HELZ: variants seen among roughly 807,000 people sequenced by gnomAD.
The protein encoded by HELZ is ATP-dependent RNA helicase with zinc finger domain.
In HELZ, 23 loss-of-function variants were observed where a neutral mutation model predicts 218.2. The observed-to-expected ratio is 0.11, with a 90% CI of 0.08 to 0.15. HELZ has a LOEUF of 0.15. Ranked by LOEUF, HELZ falls within the 10% of genes least tolerant of loss-of-function variation. HELZ has a pLI of 1.00. For missense variants in HELZ, 1,813 were observed against 2,353.7 expected (o/e 0.77, Z 4.75); for synonymous variants, 814 against 829.4 (o/e 0.98, Z 0.32).
chr17:67,244,808 C>A (rs1027632657), intron 1 of HELZ: 16 of 985,266 alleles, frequency 1.6e-5, no homozygotes, highest in African/African-American at 5.2e-5. Flanking sequence ...GGCTCGAGTC[C>A]CCCTCCCAGA....
At chr17:67,241,271 T>C (rs1435406623) in intron 2 of HELZ, among the ~76,000 whole-genome samples, 1 of 152,254 alleles carries the variant, frequency 6.6e-6, no homozygotes, top group Non-Finnish European at 1.5e-5. Flanking sequence ...TCCCCATCTC[T>C]TGGATAACTG....
intron 21 of HELZ, among the ~76,000 whole-genome samples, chr17:67,139,768 G>A (rs2038265377): frequency 6.6e-6 from 1 of 152,196 alleles, no homozygotes; most frequent in Non-Finnish European, 1.5e-5. Context: ...TTACAGAACT[G>A]TTTTAACGGC....
chr17:67,176,660 A>C (rs1468152136), intron 13 of HELZ: 1 of 152,190 alleles, frequency 6.6e-6, no homozygotes, highest in Non-Finnish European at 1.5e-5. Flanking sequence ...AACATGGCAA[A>C]ATCCCATCTC....
At chr17:67,175,310 GAA>G (rs1217513944) in intron 13 of HELZ, among the ~76,000 whole-genome samples, 1 of 152,048 alleles carries the variant, frequency 6.6e-6, no homozygotes, top group Non-Finnish European at 1.5e-5. Context: ...ACCCTTTACA[GAA>G]AAAGTTACTG....
At position 67,101,829 on chromosome 17, in the gene HELZ, C is replaced by T. The variant is rs1043100985; in HGVS notation, c.5241+5340G>A. Among the ~76,000 whole-genome samples the T allele has an allele frequency of 9.2e-5, 14 of 152,264 alleles. 1 individual carries two copies. The highest frequency in any genetic ancestry group is 6.2e-4 in the South Asian group (3 of 4,826). ...AAAGACAGGAAGACAACTGGCTAAA[C>T]GTCTAGAGAAAATGTAAACACTAAT... On this transcript the variant is annotated intron_variant, in intron 31 of 32. Transcript: ENST00000358691.
chr17:67,148,982 T>C (rs747481866), intron 19 of HELZ, among the ~76,000 whole-genome samples: 1 of 152,184 alleles, frequency 6.6e-6, no homozygotes, highest in Non-Finnish European at 1.5e-5. Flanking sequence ...AGCATAATAA[T>C]GAATAGCTAC....
chr17:67,199,100 A>C (rs8065167), intron 7 of HELZ, among the ~76,000 whole-genome samples: 31,493 of 152,114 alleles, frequency 0.21, 3,512 homozygotes, highest in African/African-American at 0.3. Flanking sequence ...TTATGCTGTC[A>C]TTTTAAAAGT....
rs139756125 is a variant in HELZ at position 67,181,741 on chromosome 17, A to G, written c.1163-2815T>C. Among the ~76,000 whole-genome samples the G allele has an allele frequency of 5.5e-3, 836 of 152,242 alleles. 6 individuals carry two copies. Among genetic ancestry groups the G allele is most frequent in the African/African-American group, 0.019 (793 of 41,538 alleles). Reference sequence around the variant, plus strand: ...AAAATCCACATATTCCAGCAACAAAAAGCCTACAAACTACTGATCTAAGTC... The same window carrying G: ...AAAATCCACATATTCCAGCAACAAAGAGCCTACAAACTACTGATCTAAGTC... On this transcript the variant is annotated intron_variant, in intron 12 of 32. Coordinates refer to ENST00000358691, the MANE Select transcript of HELZ (RefSeq NM_014877.4).
At position 67,167,452 on chromosome 17, in the gene HELZ, T is replaced by G. The variant is rs1598356140; in HGVS notation, c.1764+11A>C. The stretch of plus-strand genomic sequence containing the variant: ...AGACCACTATGGTTAAGCTGCAACC[T>G]TCAAACATACCTGTGTGTCACAGTC... On this transcript the variant is annotated intron_variant, in intron 14 of 32. Coordinates refer to ENST00000358691, the MANE Select transcript of HELZ (RefSeq NM_014877.4). 7.5e-6 allele frequency: 12 copies of G among 1,594,134 alleles called. No individual in the cohort carries two copies. The highest frequency in any genetic ancestry group is 1.0e-5 in the Non-Finnish European group (12 of 1,163,366).
Position 67,203,342 on chromosome 17 carries a change from T to C in HELZ, c.349A>G (p.Lys117Glu), listed in dbSNP as rs1161802134. Residue 117 changes from lysine to glutamate, a missense_variant, in exon 6 of 33, where the codon AAG becomes GAG. Lys to Glu is a moderately conservative substitution (Grantham distance 56). This residue lies in a region of HELZ where 714 missense variants were observed against 1,029.2 expected (regional missense o/e 0.69). Transcript: ENST00000358691. ...ACCAGGGACTCTCCTGTGAGTGACTTGGCAAGAATGGTGGATACAGGTTGG... is the reference window on the plus strand; with the variant it reads ...ACCAGGGACTCTCCTGTGAGTGACTCGGCAAGAATGGTGGATACAGGTTGG... ...KLQPVSTILA[K>E]SLTGESLNGM... 1 of 1,614,102 alleles carries C rather than the reference T, an allele frequency of 6.2e-7. No individual in the cohort carries two copies. The highest frequency in any genetic ancestry group is 8.5e-7 in the Non-Finnish European group (1 of 1,179,972).
At chr17:67,198,192 T>C (rs1172687145) in intron 7 of HELZ, among the ~76,000 whole-genome samples, 1 of 152,146 alleles carries the variant, frequency 6.6e-6, no homozygotes, top group Non-Finnish European at 1.5e-5. Context: ...GGAATAAAAA[T>C]GTTTGATAAA....
In HELZ at chr17:67,071,049, T is replaced by C. The variant is rs1453233216; in HGVS notation, c.*7203A>G. On this transcript the variant is annotated 3_prime_UTR_variant, in exon 33 of 33. Transcript: ENST00000358691. ...TAAAATGCAAAACTCATTATCTTTATAATTTAGAAGAGAAGTATTTTAATC... is the reference window on the plus strand; with the variant it reads ...TAAAATGCAAAACTCATTATCTTTACAATTTAGAAGAGAAGTATTTTAATC... The C allele has an allele frequency of 6.6e-6, 1 of 152,206 alleles. No individual in the cohort carries two copies. The highest frequency in any genetic ancestry group is 1.5e-5 in the Non-Finnish European group (1 of 68,036). 9.4% of individuals were successfully genotyped at this position (152,206 alleles called of 1,614,324 possible). A position where few individuals can be genotyped will look rare whatever the true frequency, so the allele number is the denominator to read the frequency against.
rs115812360 is a variant in HELZ at position 67,142,213 on chromosome 17, T to C, written c.2769+3530A>G. 4.6e-3 allele frequency among the ~76,000 whole-genome samples: 699 copies of C among 151,898 alleles called. 5 individuals are homozygous for C. Among genetic ancestry groups the C allele is most frequent in the African/African-American group, 0.016 (660 of 41,396 alleles). On this transcript the variant is annotated intron_variant, in intron 21 of 32. Transcript: ENST00000358691. ...CCATATCAGTAACATTAAATGTGAA[T>C]GGATTAAAAACCCCAATCAAAAGGC...
intron 24 of HELZ, among the ~76,000 whole-genome samples, chr17:67,127,966 C>T (rs938327372): frequency 6.6e-6 from 1 of 151,992 alleles, no homozygotes; most frequent in African/African-American, 2.4e-5. Context: ...AGAACAAATA[C>T]TAAACATGCC....
At chr17:67,217,383 T>C (rs756476355) in intron 4 of HELZ, among the ~76,000 whole-genome samples, 3 of 152,230 alleles carry the variant, frequency 2.0e-5, no homozygotes, top group African/African-American at 7.2e-5. Flanking sequence ...TGCTACCATT[T>C]TGATCTGAGC....
chr17:67,178,648 A>T lies in HELZ; in HGVS notation c.1430+11T>A. 1.3e-6 allele frequency: 2 copies of T among 1,594,066 alleles called. No individual in the cohort carries two copies. Among genetic ancestry groups the T allele is most frequent in the Non-Finnish European group, 1.7e-6 (2 of 1,171,152 alleles). On this transcript the variant is annotated intron_variant, in intron 13 of 32. Transcript: ENST00000358691. Reference sequence around the variant, plus strand: ...GATTTTTTGTTTTAAAGTGTTTCTAAAGTAACTTACTTGCTGATTTCTTTA... The same window carrying T: ...GATTTTTTGTTTTAAAGTGTTTCTATAGTAACTTACTTGCTGATTTCTTTA...
intron 4 of HELZ, among the ~76,000 whole-genome samples, chr17:67,218,028 G>A (rs1043008231): frequency 6.6e-6 from 1 of 151,650 alleles, no homozygotes; most frequent in African/African-American, 2.4e-5. Flanking sequence ...TCTGCCTCCT[G>A]GGTTCAAGCG....
chr17:67,180,472 G>A (rs908396278), intron 12 of HELZ, among the ~76,000 whole-genome samples: 7 of 152,008 alleles, frequency 4.6e-5, no homozygotes, highest in African/African-American at 1.7e-4. Context: ...AGCCAGGCAC[G>A]GTGGCTCACG....
At chr17:67,177,508 T>C (rs2039494414) in intron 13 of HELZ, among the ~76,000 whole-genome samples, 1 of 152,048 alleles carries the variant, frequency 6.6e-6, no homozygotes, top group Non-Finnish European at 1.5e-5. Context: ...CTGGTAAGCT[T>C]TTAAATTATA....
Sources: allele counts gnomAD v4.1 joint callset (sites outside exome capture counted in the v4.1 genomes callset), GRCh38; gene constraint gnomAD v4.1.1; regional missense constraint gnomAD v4.1.1; transcripts MANE v1.5; gene names NCBI Gene and HGNC (gene_info 2026-07-23, HGNC 2026-07-21).